Variants in PEF1 observed in about 807,000 individuals in gnomAD.
The protein encoded by PEF1 is peflin.
PEF1 carries 17 observed loss-of-function variants against 32.0 expected under a neutral mutation model. That is an observed-to-expected ratio of 0.53 (90% CI 0.36 to 0.80). The LOEUF is 0.80. Ranked by LOEUF, PEF1 falls within the 30% of genes least tolerant of loss-of-function variation. The probability of loss-of-function intolerance (pLI) is 0.00; values close to 1 mark genes in which losing one functional copy is unlikely to be tolerated. For missense variants in PEF1, 362 were observed against 369.1 expected, an observed-to-expected ratio of 0.98 and a Z score of 0.16; for synonymous variants, 130 against 139.8, an observed-to-expected ratio of 0.93 and a Z score of 0.50.
chr1:31,632,364 G>A (rs780899444), intron 4 of PEF1, 131 bp downstream of exon 4: 21 of 1,474,678 alleles, frequency 1.4e-5, no homozygotes, highest in Non-Finnish European at 1.9e-5. Context: ...ATGCAGGCCT[G>A]CACTGAGAAC....
At chr1:31,641,715 T>C (rs1015746098) in intron 1 of PEF1, among the ~76,000 whole-genome samples, 3 of 152,240 alleles carry the variant, frequency 2.0e-5, no homozygotes, top group African/African-American at 7.2e-5. Flanking sequence ...CTTTTAAAAA[T>C]GCACCCCTAG....
At chr1:31,633,911 C>T (rs1338498350) in intron 2 of PEF1, among the ~76,000 whole-genome samples, 11 of 151,328 alleles carry the variant, frequency 7.3e-5, no homozygotes, top group South Asian at 2.1e-4. Context: ...GCCAAGATCA[C>T]GCCATTGCAC....
In PEF1 at chr1:31,630,560, C is replaced by T; in HGVS notation, c.*53G>A. 1 of 1,534,016 alleles carries T rather than the reference C, an allele frequency of 6.5e-7. No homozygotes were observed. Among genetic ancestry groups the T allele is most frequent in the East Asian group, 2.3e-5 (1 of 44,240 alleles). On this transcript the variant is annotated 3_prime_UTR_variant, in exon 5 of 5. Transcript: ENST00000373703. ...GAGATGTCCACATACTTCTCTCACT[C>T]TAAGAAGCCAGGAAAGGTCCCTGGT...
intron 1 of PEF1, chr1:31,644,265 G>A (rs2148628443): frequency 1.7e-6 from 1 of 595,610 alleles, no homozygotes. Flanking sequence ...TTCTGACCTC[G>A]GCCCTGCTGC....
intron 2 of PEF1, among the ~76,000 whole-genome samples, chr1:31,634,023 C>G (rs1339055955): frequency 6.6e-6 from 1 of 151,824 alleles, no homozygotes; most frequent in Non-Finnish European, 1.5e-5. Flanking sequence ...TACCTTAGGA[C>G]ACTGAGTTAA....
intron 2 of PEF1, among the ~76,000 whole-genome samples, chr1:31,634,627 A>G (rs1468380362): frequency 6.6e-6 from 1 of 152,136 alleles, no homozygotes; most frequent in Non-Finnish European, 1.5e-5. Context: ...CAGACATTGT[A>G]CTAATATGGT....
intron 4 of PEF1, 85 bp from the exon 5 acceptor site, chr1:31,630,927 T>C: frequency 8.7e-7 from 1 of 1,147,244 alleles, no homozygotes; most frequent in Non-Finnish European, 1.3e-6. Context: ...TCACAACAGT[T>C]CAAGGAACTT....
Position 31,635,355 on chromosome 1 carries a change from A to G in PEF1, c.192T>C (p.Tyr64=), listed in dbSNP as rs1402785884. ...PYGPPAGGGP[Y]GHPNPGMFPS... is the part of the protein sequence containing the mutation. ...GGAACATCCCAGGATTGGGGTGTCC[A>G]TAGGGCCCTCCACCAGCTGGTGGTC... is the stretch of plus-strand genomic sequence containing the variant. Residue 64 remains tyrosine, a synonymous_variant, in exon 2 of 5, where the codon TAT becomes TAC. Transcript: ENST00000373703. 1.9e-6 allele frequency: 3 copies of G among 1,613,900 alleles called. No homozygotes were observed. The highest frequency in any genetic ancestry group is 2.5e-6 in the Non-Finnish European group (3 of 1,179,900).
chr1:31,633,452 A>C (rs1209539859), intron 2 of PEF1, 138 bp from the exon 3 acceptor site: 2 of 941,188 alleles, frequency 2.1e-6, no homozygotes, highest in Admixed American at 3.0e-5. Flanking sequence ...TGACATTCTT[A>C]CTCTGATGGA....
At chr1:31,638,305 G>C (rs922930947) in intron 1 of PEF1, among the ~76,000 whole-genome samples, 2 of 152,150 alleles carry the variant, frequency 1.3e-5, no homozygotes, top group Non-Finnish European at 2.9e-5. Flanking sequence ...AAGTAATGCT[G>C]TGAGCTGGAG....
chr1:31,630,658 G>A lies in PEF1; in HGVS notation c.810C>T (p.Leu270=), dbSNP rs780416054. The A allele has an allele frequency of 1.9e-6, 3 of 1,613,014 alleles. No homozygotes were observed. The highest frequency in any genetic ancestry group is 2.5e-6 in the Non-Finnish European group (3 of 1,180,050). ...KDTAVQGNIR[L]SFEDFVTMTA... is the part of the protein sequence containing the mutation. The stretch of plus-strand genomic sequence containing the variant: ...TCATGGTGACGAAGTCCTCGAAGCT[G>A]AGCCGAATGTTGCCTTGTACAGCTG... Residue 270 remains leucine, a synonymous_variant, in exon 5 of 5, where the codon CTC becomes CTT. Coordinates refer to ENST00000373703, the MANE Select transcript of PEF1 (RefSeq NM_012392.4).
At position 31,642,141 on chromosome 1, in the gene PEF1, G is replaced by C. The variant is rs1013734264; in HGVS notation, c.24+2700C>G. Among the ~76,000 whole-genome samples, 8 of 152,244 alleles carry C rather than the reference G, an allele frequency of 5.3e-5. 1 individual carries two copies. Among genetic ancestry groups the C allele is most frequent in the African/African-American group, 1.7e-4 (7 of 41,476 alleles). On this transcript the variant is annotated intron_variant, in intron 1 of 4. Coordinates refer to ENST00000373703, the MANE Select transcript of PEF1 (RefSeq NM_012392.4). The stretch of plus-strand genomic sequence containing the variant: ...CCAGCTACTTGGGAGGCTGAGGCAG[G>C]AGAACTGCTTGAACCCGGGAGACGG...
At chr1:31,644,399 CAG>C (rs2148628618) in intron 1 of PEF1, 1 of 1,023,484 alleles carries the variant, frequency 9.8e-7, no homozygotes, top group Non-Finnish European at 1.2e-6. Flanking sequence ...CTGCTACAAC[CAG>C]AGTTTCCTGA....
intron 1 of PEF1, among the ~76,000 whole-genome samples, chr1:31,639,777 G>C (rs1043080654): frequency 1.3e-5 from 2 of 152,220 alleles, no homozygotes; most frequent in African/African-American, 4.8e-5. Context: ...AGTGAGGAAA[G>C]TGTTCAGAAT....
At chr1:31,644,449 G>A in intron 1 of PEF1, 1 of 1,134,888 alleles carries the variant, frequency 8.8e-7, no homozygotes, top group Non-Finnish European at 1.1e-6. Context: ...CGGAAGCCTG[G>A]ATTTTTATCC....
rs373865996 is a variant in PEF1 at position 31,630,865 on chromosome 1, C to A, written c.626-23G>T. On this transcript the variant is annotated intron_variant, in intron 4 of 4. Transcript: ENST00000373703. Reference sequence around the variant, plus strand: ...GAGCTGGAGAAGAGGGGCACACAGACCAGACACACAAAAACCTGCCATGAG... The same window carrying A: ...GAGCTGGAGAAGAGGGGCACACAGAACAGACACACAAAAACCTGCCATGAG... 2.9e-5 allele frequency: 45 copies of A among 1,571,606 alleles called. No individual in the cohort carries two copies. The African/African-American group carries it at 5.5e-4, about 19-fold the overall frequency.
rs375773716 is a variant in PEF1 at position 31,633,326 on chromosome 1, G to A, written c.326-12C>T. The A allele has an allele frequency of 3.1e-6, 5 of 1,604,058 alleles. No homozygotes were observed. In the South Asian group the frequency reaches 4.4e-5, roughly 14 times the overall value. ...GGGAGGGGCGCCACCTGGAGGAAGG[G>A]GTGTGAAGGCCATCAACAGAAATGC... is the stretch of plus-strand genomic sequence containing the variant. On this transcript the variant is annotated splice_polypyrimidine_tract_variant and intron_variant, in intron 2 of 4. Transcript: ENST00000373703.
intron 2 of PEF1, among the ~76,000 whole-genome samples, chr1:31,634,048 G>A (rs186916854): frequency 1.3e-5 from 2 of 152,278 alleles, no homozygotes; most frequent in African/African-American, 4.8e-5. Flanking sequence ...CCACAATCGG[G>A]GTCCCTTCAC....
chr1:31,634,631 A>G (rs1640207130), intron 2 of PEF1, among the ~76,000 whole-genome samples: 4 of 152,024 alleles, frequency 2.6e-5, no homozygotes. Flanking sequence ...CATTGTACTA[A>G]TATGGTACAA....
Sources: allele counts gnomAD v4.1 joint callset (sites outside exome capture counted in the v4.1 genomes callset), GRCh38; gene constraint gnomAD v4.1.1; transcripts MANE v1.5; gene names NCBI Gene and HGNC (gene_info 2026-07-23, HGNC 2026-07-21).